ABCC9: variants seen among roughly 807,000 people sequenced by gnomAD.
The protein encoded by ABCC9 is ATP-binding cassette sub-family C member 9.
Under a neutral mutation model 188.3 loss-of-function variants are expected in ABCC9, and 95 were observed. The ratio of observed to expected loss-of-function variants is 0.50; its 90% CI spans 0.43 to 0.60. The LOEUF is 0.60. Among genes scored for constraint, ABCC9 ranks in the 20% least tolerant of loss-of-function variants. The probability of loss-of-function intolerance (pLI) is 0.00; values close to 1 mark genes in which losing one functional copy is unlikely to be tolerated. For synonymous variants in ABCC9, 659 were observed against 652.7 expected, an observed-to-expected ratio of 1.01 and a Z score of -0.15; for missense variants, 1,102 against 1,876.3, an observed-to-expected ratio of 0.59 and a Z score of 7.62.
At position 21,936,678 on chromosome 12, in the gene ABCC9, T is replaced by C. The variant is rs1452313826; in HGVS notation, c.-4A>G. 7 of 1,605,804 alleles carry C rather than the reference T, an allele frequency of 4.4e-6. No homozygotes were observed. The highest frequency in any genetic ancestry group is 6.0e-6 in the Non-Finnish European group (7 of 1,172,734). ...TACCACAAAATGAAAGGCTCATTTCTTCTTATATGGTTTACTCTAAAAGGG... is the reference window on the plus strand; with the variant it reads ...TACCACAAAATGAAAGGCTCATTTCCTCTTATATGGTTTACTCTAAAAGGG... On this transcript the variant is annotated 5_prime_UTR_variant, in exon 3 of 40. Coordinates refer to ENST00000261200, the MANE Select transcript of ABCC9 (RefSeq NM_020297.4).
chr12:21,880,397 A>G (rs1273340411), intron 16 of ABCC9, among the ~76,000 whole-genome samples: 2 of 152,164 alleles, frequency 1.3e-5, no homozygotes, highest in Admixed American at 6.6e-5. Context: ...TGTATCCTAG[A>G]CTATATTAAA....
At chr12:21,915,530 T>TTTTTTTTTA in intron 7 of ABCC9, 138 bp downstream of exon 7, 1 of 169,246 alleles carries the variant, frequency 5.9e-6, no homozygotes, top group African/African-American at 4.2e-5. Flanking sequence ...TTTTTTTTTT[T>TTTTTTTTTA]GAGACAGAGT....
At position 21,842,469 on chromosome 12, in the gene ABCC9, G is replaced by A; in HGVS notation, c.3318C>T (p.His1106=). Residue 1106 remains histidine, a splice_region_variant and synonymous_variant, in exon 29 of 40, where the codon CAC becomes CAT. Transcript: ENST00000261200. ...TTAGAGATTCCAAGGTTGGAGGGATGTGCTATTAGGGTAGTTTAAAAGGAA... is the reference window on the plus strand; with the variant it reads ...TTAGAGATTCCAAGGTTGGAGGGATATGCTATTAGGGTAGTTTAAAAGGAA... ...FSADTNIIDQ[H]IPPTLESLTR... 1 of 1,614,014 alleles carries A rather than the reference G, an allele frequency of 6.2e-7. No individual in the cohort carries two copies. Among genetic ancestry groups the A allele is most frequent in the Non-Finnish European group, 8.5e-7 (1 of 1,179,894 alleles).
chr12:21,814,594 T>C (rs745787969), intron 35 of ABCC9, 50 bp downstream of exon 35: 2 of 1,485,236 alleles, frequency 1.3e-6, no homozygotes, highest in East Asian at 4.5e-5. Flanking sequence ...TGATGTTTTT[T>C]TAAAGGAAAG....
chr12:21,823,811 C>G (rs1344104187), intron 31 of ABCC9, among the ~76,000 whole-genome samples: 1 of 152,252 alleles, frequency 6.6e-6, no homozygotes, highest in Non-Finnish European at 1.5e-5. Flanking sequence ...ACATTGCACT[C>G]AACCGCGGCC....
At chr12:21,830,980 A>ATCTATCTT (rs1325439681) in intron 30 of ABCC9, 1 of 142,586 alleles carries the variant, frequency 7.0e-6, no homozygotes, top group Non-Finnish European at 1.5e-5. Context: ...AAGATTATCT[A>ATCTATCTT]TCTATCTATC....
intron 32 of ABCC9, among the ~76,000 whole-genome samples, chr12:21,817,735 A>G (rs1183546362): frequency 6.6e-6 from 1 of 152,126 alleles, no homozygotes; most frequent in Non-Finnish European, 1.5e-5. Context: ...AGTGAATCCA[A>G]ACTGTCCCAT....
At chr12:21,842,208 T>C (rs1170334761) in intron 29 of ABCC9, 106 bp downstream of exon 29, 3 of 1,374,138 alleles carry the variant, frequency 2.2e-6, no homozygotes, top group Non-Finnish European at 3.0e-6. Flanking sequence ...CTTCGTGGAA[T>C]GTTTTCTTTC....
chr12:21,850,056 C>G (rs1287042727), intron 24 of ABCC9, among the ~76,000 whole-genome samples: 1 of 151,756 alleles, frequency 6.6e-6, no homozygotes, highest in Non-Finnish European at 1.5e-5. Context: ...TGTTCTGGCT[C>G]TAGGCCAGAC....
chr12:21,900,766 A>G (rs955535544), intron 12 of ABCC9, among the ~76,000 whole-genome samples: 4 of 152,192 alleles, frequency 2.6e-5, no homozygotes, highest in Non-Finnish European at 5.9e-5. Flanking sequence ...AAAAGAGTAA[A>G]AAGAAAAGAA....
In ABCC9 at chr12:21,829,037, C is replaced by T. The variant is rs755156050; in HGVS notation, c.3590G>A (p.Arg1197His). The change falls in exon 31 of 40, where the codon CGT (arginine) becomes CAT (histidine). Residue 1197 changes from arginine to histidine, a missense_variant. Physicochemically the swap from Arg to His is conservative, Grantham distance 29. Coordinates refer to ENST00000261200, the MANE Select transcript of ABCC9 (RefSeq NM_020297.4). ...AFRHETRFKQ[R>H]MLELTDTNNI... is the part of the protein sequence containing the mutation. ...GTTTGTATCCGTCAGTTCCAGCATACGTTGTTTAAATCTGGTTTCATGCCT... is the reference window on the plus strand; with the variant it reads ...GTTTGTATCCGTCAGTTCCAGCATATGTTGTTTAAATCTGGTTTCATGCCT... 31 of 1,613,732 alleles carry T rather than the reference C, an allele frequency of 1.9e-5. No individual in the cohort carries two copies. The highest frequency in any genetic ancestry group is 2.7e-5 in the African/African-American group (2 of 74,866).
At position 21,913,839 on chromosome 12, in the gene ABCC9, A is replaced by G. The variant is rs1209100321; in HGVS notation, c.817-773T>C. ...GACAAGGAAGTCAACTCACTAGAAT[A>G]GAGCTCAATTATGTTCCCTATGCAA... is the stretch of plus-strand genomic sequence containing the variant. On this transcript the variant is annotated intron_variant, in intron 7 of 39. Coordinates refer to ENST00000261200, the MANE Select transcript of ABCC9 (RefSeq NM_020297.4). Among the ~76,000 whole-genome samples, 3 of 152,166 alleles carry G rather than the reference A, an allele frequency of 2.0e-5. No homozygotes were observed. The East Asian group carries it at 5.8e-4, about 29-fold the overall frequency.
intron 9 of ABCC9, 58 bp from the exon 10 acceptor site, chr12:21,910,370 T>C (rs1055595907): frequency 6.9e-7 from 1 of 1,444,092 alleles, no homozygotes; most frequent in Non-Finnish European, 9.4e-7. Flanking sequence ...GACACTATGA[T>C]TATTTTCACT....
chr12:21,843,519 A>G (rs1455180879), intron 28 of ABCC9, among the ~76,000 whole-genome samples: 2 of 152,078 alleles, frequency 1.3e-5, no homozygotes, highest in African/African-American at 4.8e-5. Context: ...TTCTGTTTTT[A>G]TAGGTTTTAT....
chr12:21,915,284 G>GTA (rs1255448379), intron 7 of ABCC9, among the ~76,000 whole-genome samples: 5 of 11,870 alleles, frequency 4.2e-4, no homozygotes, highest in Admixed American at 1.5e-3. Context: ...ATATATATGT[G>GTA]TGTATATATA....
At chr12:21,804,891 G>A (rs550497261) in intron 39 of ABCC9, among the ~76,000 whole-genome samples, 45 of 152,284 alleles carry the variant, frequency 3.0e-4, no homozygotes, top group Middle Eastern at 6.8e-3. Flanking sequence ...ACATCCCTAA[G>A]GACTAGTGAA....
chr12:21,848,411 C>A (rs1031998693), intron 24 of ABCC9, among the ~76,000 whole-genome samples, 165 bp from the exon 25 acceptor site: 1 of 152,072 alleles, frequency 6.6e-6, no homozygotes, highest in Non-Finnish European at 1.5e-5. Flanking sequence ...GCTGTGGGGG[C>A]AGAACCTTAG....
chr12:21,926,129 A>G, intron 4 of ABCC9, 66 bp from the exon 5 acceptor site: 1 of 1,607,072 alleles, frequency 6.2e-7, no homozygotes, highest in Non-Finnish European at 8.5e-7. Context: ...TTTTTTTCAA[A>G]TTTTTTCATA....
intron 31 of ABCC9, chr12:21,827,200 T>C (rs535562774): frequency 5.3e-5 from 52 of 985,484 alleles, no homozygotes; most frequent in Middle Eastern, 5.2e-4. Flanking sequence ...GACCTTCCCT[T>C]TCTTGGCAGT....
Sources: allele counts gnomAD v4.1 joint callset (sites outside exome capture counted in the v4.1 genomes callset), GRCh38; gene constraint gnomAD v4.1.1; transcripts MANE v1.5; gene names NCBI Gene and HGNC (gene_info 2026-07-23, HGNC 2026-07-21).